The following EGFL6 variants were observed in gnomAD, a reference collection of about 807,000 sequenced individuals.
EGFL6 encodes EGF like domain multiple 6.
EGFL6 carries 42 observed loss-of-function variants against 43.1 expected under a neutral mutation model. The ratio of observed to expected loss-of-function variants is 0.98; its 90% confidence interval spans 0.76 to 1.26. The LOEUF (loss-of-function observed/expected upper bound fraction) is 1.26, where lower values mean the gene tolerates loss of function less well. Among genes scored for constraint, EGFL6 ranks in the 50% most tolerant of loss-of-function variants. The pLI, the probability that EGFL6 is intolerant of heterozygous loss-of-function variation, is 0.00. For synonymous variants in EGFL6, 164 were observed against 163.2 expected, an observed-to-expected ratio of 1.01 and a Z score of -0.04; for missense variants, 429 against 427.8, an observed-to-expected ratio of 1.00 and a Z score of -0.02.
chrX:13,573,789 C>T (rs976144710), intron 1 of EGFL6, among the ~76,000 whole-genome samples: 2 of 111,551 alleles, frequency 1.8e-5, no homozygotes, highest in African/African-American at 6.6e-5. Context: ...CCAGTGTTGT[C>T]CCACTATTCC....
chrX:13,576,409 C>G (rs1481959093), intron 1 of EGFL6, among the ~76,000 whole-genome samples: 1 of 111,749 alleles, frequency 8.9e-6, no homozygotes, highest in African/African-American at 3.3e-5. Flanking sequence ...TCCTGCTGGG[C>G]CCCACCTCCA....
chrX:13,616,562 A>G (rs1231654039), intron 7 of EGFL6, among the ~76,000 whole-genome samples: 1 of 109,684 alleles, frequency 9.1e-6, no homozygotes, highest in African/African-American at 3.3e-5. Flanking sequence ...GTGAGCCGAG[A>G]TCATGCCACT....
Position 13,633,010 on chromosome X carries a change from A to C in EGFL6, c.1577A>C (p.Lys526Thr), listed in dbSNP as rs762341122. 5.0e-6 allele frequency: 6 copies of C among 1,208,070 alleles called. No individual in the cohort carries two copies. The South Asian group carries it at 1.1e-4, about 22-fold the overall frequency. ...KSIIFEAERG[K>T]GKTGEIAVDG... Reference sequence around the variant, plus strand: ...ATCATTTTTGAAGCAGAACGTGGCAAGGGCAAAACCGGCGAAATCGCAGTG... The same window carrying C: ...ATCATTTTTGAAGCAGAACGTGGCACGGGCAAAACCGGCGAAATCGCAGTG... The change falls in exon 12 of 12, where the codon AAG becomes ACG. Residue 526 changes from lysine to threonine, a missense_variant. Physicochemically the swap from Lys to Thr is moderately conservative, Grantham distance 78. Transcript: ENST00000361306.
intron 1 of EGFL6, among the ~76,000 whole-genome samples, chrX:13,575,380 A>C (rs2045466110): frequency 8.9e-6 from 1 of 111,963 alleles, no homozygotes. Flanking sequence ...TGGTGAGCTG[A>C]GATCATGCCA....
intron 1 of EGFL6, among the ~76,000 whole-genome samples, chrX:13,583,372 A>G (rs2045518392): frequency 9.0e-6 from 1 of 111,108 alleles, no homozygotes; most frequent in Admixed American, 9.6e-5. Flanking sequence ...ACCCATCCCA[A>G]TGTACTAACT....
intron 3 of EGFL6, among the ~76,000 whole-genome samples, chrX:13,596,718 C>G (rs761097961): frequency 1.8e-5 from 2 of 111,480 alleles, no homozygotes; most frequent in Non-Finnish European, 3.8e-5. Flanking sequence ...TTTGCCAAAT[C>G]TGGGAGCCTT....
chrX:13,627,923 A>C (rs369568809), intron 11 of EGFL6, among the ~76,000 whole-genome samples: 139 of 112,073 alleles, frequency 1.2e-3, no homozygotes, highest in African/African-American at 4.4e-3. Context: ...ACACTTACAA[A>C]GTATTGCCCA....
chrX:13,580,709 C>T (rs1340444519), intron 1 of EGFL6, among the ~76,000 whole-genome samples: 1 of 112,153 alleles, frequency 8.9e-6, no homozygotes, highest in Non-Finnish European at 1.9e-5. Context: ...TCCCTCTAGT[C>T]CATGCTCCAA....
intron 9 of EGFL6, among the ~76,000 whole-genome samples, chrX:13,621,414 C>T (rs1399752010): frequency 8.9e-6 from 1 of 111,846 alleles, no homozygotes; most frequent in Non-Finnish European, 1.9e-5. Context: ...CAGGAGGGTG[C>T]TGATTCCTTG....
intron 11 of EGFL6, among the ~76,000 whole-genome samples, chrX:13,628,694 C>G (rs2045794843): frequency 8.9e-6 from 1 of 111,800 alleles, no homozygotes; most frequent in South Asian, 3.7e-4. Context: ...GTAATCCCAG[C>G]TACTCAGAAG....
chrX:13,598,976 G>T (rs2045617704), intron 3 of EGFL6, among the ~76,000 whole-genome samples: 1 of 102,262 alleles, frequency 9.8e-6, no homozygotes, highest in African/African-American at 3.6e-5. Context: ...AAATCATCCA[G>T]CCCAAATGTC....
At chrX:13,586,845 A>G (rs1362275943) in intron 1 of EGFL6, among the ~76,000 whole-genome samples, 1 of 112,600 alleles carries the variant, frequency 8.9e-6, no homozygotes, top group Non-Finnish European at 1.9e-5. Context: ...TCAACTGATG[A>G]GTGGATAAAT....
At chrX:13,589,290 G>A (rs774586652) in intron 1 of EGFL6, among the ~76,000 whole-genome samples, 11 of 111,673 alleles carry the variant, frequency 9.9e-5, no homozygotes, top group African/African-American at 3.6e-4. Flanking sequence ...ACTCTACAAG[G>A]TTCAAAAACA....
intron 9 of EGFL6, among the ~76,000 whole-genome samples, chrX:13,623,586 C>T (rs754547376): frequency 2.6e-3 from 280 of 107,141 alleles, no homozygotes; most frequent in Non-Finnish European, 4.7e-3. Context: ...GTTGGCCAGG[C>T]TGGTCTTGAA....
chrX:13,580,507 G>T (rs1246130029), intron 1 of EGFL6, among the ~76,000 whole-genome samples: 1 of 111,404 alleles, frequency 9.0e-6, no homozygotes, highest in Non-Finnish European at 1.9e-5. Flanking sequence ...AAAAACTGGG[G>T]TATCATTGCT....
intron 1 of EGFL6, among the ~76,000 whole-genome samples, chrX:13,579,622 TGCTGG>T (rs2045494139): frequency 9.0e-6 from 1 of 111,612 alleles, no homozygotes; most frequent in Admixed American, 9.5e-5. Flanking sequence ...GAAATGGGAT[TGCTGG>T]GTCAAATAGT....
intron 11 of EGFL6, among the ~76,000 whole-genome samples, chrX:13,631,217 T>A (rs5934120): frequency 0.16 from 18,017 of 111,211 alleles, 1,760 homozygotes; most frequent in African/African-American, 0.37. Flanking sequence ...GGGTAACTTT[T>A]GTCATCTTTG....
At chrX:13,595,428 TAA>T (rs759554759) in intron 3 of EGFL6, among the ~76,000 whole-genome samples, 14 of 112,220 alleles carry the variant, frequency 1.2e-4, no homozygotes, top group Non-Finnish European at 2.4e-4. Flanking sequence ...AGTATAAATG[TAA>T]GTTTTTCTCA....
chrX:13,615,549 C>T (rs2045714001), intron 7 of EGFL6, among the ~76,000 whole-genome samples: 1 of 111,937 alleles, frequency 8.9e-6, no homozygotes, highest in African/African-American at 3.3e-5. Flanking sequence ...ACGGTCATAA[C>T]TTAACATGCA....
Sources: allele counts gnomAD v4.1 joint callset (sites outside exome capture counted in the v4.1 genomes callset), GRCh38; gene constraint gnomAD v4.1.1; transcripts MANE v1.5; gene names NCBI Gene and HGNC (gene_info 2026-07-23, HGNC 2026-07-21).